IL1RAP: variants seen among roughly 807,000 people sequenced by gnomAD.
The protein encoded by IL1RAP is interleukin 1 receptor accessory protein, also known as interleukin-1 receptor accessory protein.
Under a neutral mutation model 60.7 loss-of-function variants are expected in IL1RAP, and 35 were observed. The ratio of observed to expected loss-of-function variants is 0.58; its 90% CI spans 0.44 to 0.76. The LOEUF (loss-of-function observed/expected upper bound fraction) is 0.76, where lower values mean the gene tolerates loss of function less well. Ranked by LOEUF, IL1RAP falls within the 30% of genes least tolerant of loss-of-function variation. The pLI is 0.00. For missense variants in IL1RAP, 572 were observed against 693.9 expected (o/e 0.82, Z 1.97); for synonymous variants, 268 against 250.9 (o/e 1.07, Z -0.64).
chr3:190,546,799 G>A (rs1724407357), intron 1 of IL1RAP, among the ~76,000 whole-genome samples: 1 of 152,178 alleles, frequency 6.6e-6, no homozygotes, highest in Non-Finnish European at 1.5e-5. Context: ...TAGGTTGTGA[G>A]TTCCTGGATG....
At chr3:190,514,299 T>C (rs1012411175) in intron 1 of IL1RAP, 80 bp downstream of exon 1, 6 of 152,238 alleles carry the variant, frequency 3.9e-5, no homozygotes, top group Non-Finnish European at 8.8e-5. Flanking sequence ...AGAGATCCTA[T>C]CGTTAAACCC....
intron 3 of IL1RAP, among the ~76,000 whole-genome samples, chr3:190,566,155 G>C (rs1249212759): frequency 6.6e-6 from 1 of 151,866 alleles, no homozygotes; most frequent in Admixed American, 6.6e-5. Flanking sequence ...AGGAACTTTT[G>C]TTTGTTATCC....
chr3:190,598,827 ACC>A (rs967259685), intron 3 of IL1RAP, among the ~76,000 whole-genome samples: 3 of 152,008 alleles, frequency 2.0e-5, no homozygotes, highest in Non-Finnish European at 4.4e-5. Flanking sequence ...TATCCCTTCT[ACC>A]CATTCTTCTC....
At chr3:190,658,383 C>T (rs796273765) in exon 12 of IL1RAP, 8 of 152,308 alleles carry the variant, frequency 5.3e-5, no homozygotes, top group African/African-American at 1.9e-4. Context: ...GCTCTAAGGA[C>T]ATAGTGGAGC....
At chr3:190,564,387 G>T (rs777692909) in intron 3 of IL1RAP, 34 bp downstream of exon 3, 1 of 1,393,502 alleles carries the variant, frequency 7.2e-7, no homozygotes, top group South Asian at 1.2e-5. Context: ...GTATTAAAAT[G>T]CAAGTCATGC....
intron 1 of IL1RAP, among the ~76,000 whole-genome samples, chr3:190,517,360 A>G (rs1721616885): frequency 1.3e-5 from 2 of 152,338 alleles, no homozygotes; most frequent in East Asian, 1.9e-4. Flanking sequence ...AACAAATGTT[A>G]TGAGTGTCCA....
rs1318647108 is a variant in IL1RAP at position 190,535,141 on chromosome 3, G to A, written c.-89+20922G>A. Among the ~76,000 whole-genome samples the A allele has an allele frequency of 2.6e-5, 4 of 152,224 alleles. No individual in the cohort carries two copies. In the South Asian group the frequency reaches 6.2e-4, roughly 24 times the overall value. On this transcript the variant is annotated intron_variant, in intron 1 of 11. Transcript: ENST00000447382. ...AAACATGAATAGTAGTCCTGAGGAA[G>A]CTTAAAGATGCTATCACATTCAGTT...
intron 1 of IL1RAP, among the ~76,000 whole-genome samples, chr3:190,522,787 A>C (rs1404116476): frequency 6.6e-6 from 1 of 152,166 alleles, no homozygotes; most frequent in South Asian, 2.1e-4. Flanking sequence ...ATTGCAGTGC[A>C]TGGATCTTTC....
intron 1 of IL1RAP, among the ~76,000 whole-genome samples, chr3:190,530,509 T>C (rs552185314): frequency 2.6e-5 from 4 of 152,356 alleles, no homozygotes; most frequent in African/African-American, 9.6e-5. Flanking sequence ...TTAAAAATGC[T>C]AGTGTACATT....
At position 190,618,449 on chromosome 3, in the gene IL1RAP, C is replaced by T. The variant is rs970812057; in HGVS notation, c.538-1826C>T. 5.3e-5 allele frequency among the ~76,000 whole-genome samples: 8 copies of T among 152,102 alleles called. No homozygotes were observed. In the South Asian group the frequency reaches 1.4e-3, roughly 28 times the overall value. ...AAGAAGCTGATGAAAGACCGTTATT[C>T]GGCTTTCTGGAAAACTGAATTTCAG... On this transcript the variant is annotated intron_variant, in intron 5 of 11. Coordinates refer to ENST00000447382, the MANE Select transcript of IL1RAP (RefSeq NM_002182.4).
intron 2 of IL1RAP, among the ~76,000 whole-genome samples, chr3:190,558,066 G>A (rs1725575031): frequency 2.0e-5 from 3 of 152,116 alleles, no homozygotes; most frequent in Non-Finnish European, 4.4e-5. Context: ...ATTTAATTCA[G>A]CACAATGCCT....
chr3:190,624,211 T>G (rs997741638), intron 7 of IL1RAP, among the ~76,000 whole-genome samples: 4 of 152,216 alleles, frequency 2.6e-5, no homozygotes, highest in African/African-American at 9.7e-5. Flanking sequence ...CCAGAAAGCA[T>G]AGGAACATAA....
rs754988430 is a variant in IL1RAP at position 190,651,022 on chromosome 3, C to T, written c.*2317C>T. The T allele has an allele frequency of 4.1e-6, 4 of 984,056 alleles. No individual in the cohort carries two copies. Among genetic ancestry groups the T allele is most frequent in the Non-Finnish European group, 4.8e-6 (4 of 828,968 alleles). 61.0% of individuals were successfully genotyped at this position (984,056 alleles called of 1,614,324 possible). A position where few individuals can be genotyped will look rare whatever the true frequency, so the allele number is the denominator to read the frequency against. On this transcript the variant is annotated 3_prime_UTR_variant, in exon 12 of 12. Transcript: ENST00000447382. ...ATTTTACAAATGCTGTAATATAAAG[C>T]ATATCAAGTTTATGTGATACGTATC...
At chr3:190,647,889 C>T (rs1023074510) in intron 11 of IL1RAP, among the ~76,000 whole-genome samples, 6 of 152,060 alleles carry the variant, frequency 3.9e-5, no homozygotes, top group African/African-American at 1.4e-4. Flanking sequence ...TAACATATAC[C>T]TTTTTGAGTG....
intron 1 of IL1RAP, among the ~76,000 whole-genome samples, chr3:190,522,461 A>G (rs566180726): frequency 1.4e-5 from 2 of 142,314 alleles, no homozygotes; most frequent in East Asian, 2.2e-4. Context: ...CTATCTATCT[A>G]TCTCTATTTA....
rs1165415187 is a variant in IL1RAP, at chr3:190,648,764, C to CA, written c.*60dup. 6.5e-7 allele frequency: 1 copy of CA among 1,535,552 alleles called. No individual in the cohort carries two copies. The highest frequency in any genetic ancestry group is 8.7e-7 in the Non-Finnish European group (1 of 1,145,612). ...GTGCTCCAGGAAGAAAGAGTCCCCCCAGTCTTCATTCGCAGTTTATGGTTT... is the reference window on the plus strand; with the variant it reads ...GTGCTCCAGGAAGAAAGAGTCCCCCCAAGTCTTCATTCGCAGTTTATGGTTT... On this transcript the variant is annotated 3_prime_UTR_variant, in exon 12 of 12. Transcript: ENST00000447382.
At chr3:190,638,834 C>T (rs373409278) in intron 9 of IL1RAP, among the ~76,000 whole-genome samples, 6 of 152,098 alleles carry the variant, frequency 3.9e-5, no homozygotes, top group African/African-American at 1.4e-4. Flanking sequence ...TTTTTACTTT[C>T]TCATTATGTT....
intron 1 of IL1RAP, among the ~76,000 whole-genome samples, chr3:190,539,740 A>C (rs1560150869): frequency 6.6e-6 from 1 of 151,462 alleles, no homozygotes; most frequent in African/African-American, 2.4e-5. Context: ...AAATAAAATA[A>C]AATGAAGATA....
intron 1 of IL1RAP, among the ~76,000 whole-genome samples, chr3:190,549,921 T>C (rs1201959209): frequency 6.6e-6 from 1 of 152,180 alleles, no homozygotes; most frequent in East Asian, 1.9e-4. Context: ...TGAAGATGGA[T>C]GGCTACTCAT....
Sources: allele counts gnomAD v4.1 joint callset (sites outside exome capture counted in the v4.1 genomes callset), GRCh38; gene constraint gnomAD v4.1.1; transcripts MANE v1.5; gene names NCBI Gene and HGNC (gene_info 2026-07-23, HGNC 2026-07-21).